The following METTL16 variants were observed in gnomAD, a reference collection of about 807,000 sequenced individuals.
METTL16 encodes methyltransferase 16, RNA N6-adenosine.
Under a neutral mutation model 57.9 loss-of-function variants are expected in METTL16, and 19 were observed. The observed-to-expected ratio is 0.33, with a 90% CI of 0.23 to 0.48. The LOEUF (loss-of-function observed/expected upper bound fraction) is 0.48. Among genes scored for constraint, METTL16 ranks in the 20% least tolerant of loss-of-function variants. The probability of loss-of-function intolerance (pLI) is 0.99; values close to 1 mark genes in which losing one functional copy is unlikely to be tolerated. For missense variants in METTL16, 434 were observed against 691.5 expected (o/e 0.63, Z 4.18); for synonymous variants, 246 against 255.6 (o/e 0.96, Z 0.36).
At chr17:2,472,616 A>G (rs1296522643) in intron 4 of METTL16, among the ~76,000 whole-genome samples, 2 of 152,194 alleles carry the variant, frequency 1.3e-5, no homozygotes, top group African/African-American at 2.4e-5. Flanking sequence ...TGTGCTAAAA[A>G]TAAATGAGCT....
At chr17:2,458,721 T>TACACACACACTCAC (rs1555618261) in intron 6 of METTL16, among the ~76,000 whole-genome samples, 4 of 151,614 alleles carry the variant, frequency 2.6e-5, no homozygotes, top group Non-Finnish European at 5.9e-5. Context: ...CACACACACA[T>TACACACACACTCAC]ACACACACAC....
chr17:2,446,499 G>T (rs111500765), intron 6 of METTL16, among the ~76,000 whole-genome samples: 1 of 152,254 alleles, frequency 6.6e-6, no homozygotes, highest in African/African-American at 2.4e-5. Flanking sequence ...ATCAATTGTT[G>T]GGGCCAGGTG....
At chr17:2,487,376 T>C (rs2067351332) in intron 2 of METTL16, among the ~76,000 whole-genome samples, 1 of 152,156 alleles carries the variant, frequency 6.6e-6, no homozygotes, top group African/African-American at 2.4e-5. Flanking sequence ...ATAACAGCGA[T>C]GAAGGAGAAA....
intron 2 of METTL16, among the ~76,000 whole-genome samples, chr17:2,501,653 T>A (rs1167444745): frequency 2.6e-5 from 4 of 151,760 alleles, no homozygotes; most frequent in Non-Finnish European, 4.4e-5. Context: ...AGGTCAGGAG[T>A]TCCAGACCAG....
At chr17:2,421,843 C>T (rs556668131) in intron 8 of METTL16, among the ~76,000 whole-genome samples, 4 of 152,220 alleles carry the variant, frequency 2.6e-5, no homozygotes, top group South Asian at 2.1e-4. Context: ...GGGACCAAGC[C>T]GGCGGCGAGC....
intron 6 of METTL16, 117 bp from the exon 7 acceptor site, chr17:2,441,676 A>C: frequency 1.9e-6 from 1 of 539,222 alleles, no homozygotes; most frequent in Non-Finnish European, 3.0e-6. Flanking sequence ...GTAAGGTCAC[A>C]AGTGAAAAAT....
rs1338483107 is a variant in METTL16, at chr17:2,464,201, G to T, written c.728+7C>A. On this transcript the variant is annotated splice_region_variant and intron_variant, in intron 6 of 9. Transcript: ENST00000263092. ...AGATGGACTCTATGTTGTAAAAACA[G>T]ACTTACCTTAATCTTTTTTTAAGTT... 25 of 1,608,698 alleles carry T rather than the reference G, an allele frequency of 1.6e-5. No homozygotes were observed. The highest frequency in any genetic ancestry group is 2.0e-5 in the Non-Finnish European group (24 of 1,178,232).
At chr17:2,504,866 C>A (rs1425599832) in intron 1 of METTL16, among the ~76,000 whole-genome samples, 1 of 152,134 alleles carries the variant, frequency 6.6e-6, no homozygotes, top group Non-Finnish European at 1.5e-5. Context: ...ACCATCACAC[C>A]CAGCTTGGGG....
chr17:2,477,622 A>G, intron 3 of METTL16, 64 bp downstream of exon 3: 1 of 1,254,910 alleles, frequency 8.0e-7, no homozygotes, highest in Non-Finnish European at 1.2e-6. Flanking sequence ...AAAGTTTACA[A>G]AGAATTTGAT....
At position 2,477,892 on chromosome 17, in the gene METTL16, A is replaced by G. The variant is rs2067278641; in HGVS notation, c.129-7T>C. 3.1e-6 allele frequency: 5 copies of G among 1,611,124 alleles called. No homozygotes were observed. The highest frequency in any genetic ancestry group is 1.1e-5 in the South Asian group (1 of 90,974). ...GGGGTCTTTAAAATTAAGGCTGAGG[A>G]ATAAAGAAAAGGAAGTAAAACTGAT... On this transcript the variant is annotated splice_polypyrimidine_tract_variant and splice_region_variant and intron_variant, in intron 2 of 9. Coordinates refer to ENST00000263092, the MANE Select transcript of METTL16 (RefSeq NM_024086.4).
rs566665358 is a variant in METTL16 at position 2,491,935 on chromosome 17, G to A, written c.128+10269C>T. ...ATAAAAATAAAAACAAATAGGGCTGGGCGCGGTGGCTCACGCCTGTAACCC... is the reference window on the plus strand; with the variant it reads ...ATAAAAATAAAAACAAATAGGGCTGAGCGCGGTGGCTCACGCCTGTAACCC... On this transcript the variant is annotated intron_variant, in intron 2 of 9. Transcript: ENST00000263092. Among the ~76,000 whole-genome samples the A allele has an allele frequency of 1.4e-3, 203 of 150,346 alleles. 4 individuals carry two copies. The highest frequency in any genetic ancestry group is 2.2e-3 in the Non-Finnish European group (152 of 67,602).
At chr17:2,430,453 T>C (rs1237906178) in intron 8 of METTL16, among the ~76,000 whole-genome samples, 8 of 145,532 alleles carry the variant, frequency 5.5e-5, no homozygotes, top group African/African-American at 2.1e-4. Context: ...TCTCGCTCTG[T>C]CGCCCAGGCT....
intron 2 of METTL16, 151 bp from the exon 3 acceptor site, chr17:2,478,036 C>CGAGTGGCACATCCCAGTGGCACAGTG: frequency 1.6e-6 from 1 of 627,466 alleles, no homozygotes; most frequent in Non-Finnish European, 2.8e-6. Context: ...GTGGCACATA[C>CGAGTGGCACATCCCAGTGGCACAGTG]ACGAGTGTTT....
chr17:2,508,151 AT>A lies in METTL16; in HGVS notation c.-1+3607del, dbSNP rs1175217532. Among the ~76,000 whole-genome samples the A allele has an allele frequency of 2.0e-5, 3 of 151,734 alleles. No individual in the cohort carries two copies. The East Asian group carries it at 5.8e-4, about 29-fold the overall frequency. ...AAAAAAAAAAAAAGACAAATCCTCT[AT>A]TATAACATCTCCTAGCAATAAATAT... On this transcript the variant is annotated intron_variant, in intron 1 of 9. Coordinates refer to ENST00000263092, the MANE Select transcript of METTL16 (RefSeq NM_024086.4).
In METTL16 at chr17:2,447,158, T is replaced by A. The variant is rs1233768629; in HGVS notation, c.729-5599A>T. Among the ~76,000 whole-genome samples the A allele has an allele frequency of 4.5e-5, 6 of 134,072 alleles. No individual in the cohort carries two copies. The South Asian group carries it at 1.5e-3, about 33-fold the overall frequency. The allele number at this position is 134,072 out of a possible 152,430, so 88.0% of individuals were successfully genotyped here. A position where few individuals can be genotyped will look rare whatever the true frequency, so the allele number is the denominator to read the frequency against. ...GAGGAGCGCCTCTTCCCCGCCGCCT[T>A]CCCATCTAGGAAGTGAGGAGCGTCT... On this transcript the variant is annotated intron_variant, in intron 6 of 9. Coordinates refer to ENST00000263092, the MANE Select transcript of METTL16 (RefSeq NM_024086.4).
rs181526785 is a variant in METTL16 at position 2,488,378 on chromosome 17, G to C, written c.129-10493C>G. 1.1e-3 allele frequency among the ~76,000 whole-genome samples: 173 copies of C among 152,210 alleles called. 2 individuals carry two copies. The highest frequency in any genetic ancestry group is 7.8e-3 in the Admixed American group (119 of 15,278). ...TTGAGACCAGCCTGGCCAATATGGT[G>C]AAACCCCATCTCTACTAGAAATACA... On this transcript the variant is annotated intron_variant, in intron 2 of 9. Transcript: ENST00000263092.
chr17:2,473,463 G>A lies in METTL16; in HGVS notation c.469+61C>T, dbSNP rs537796310. 454 of 1,531,846 alleles carry A rather than the reference G, an allele frequency of 3.0e-4. 1 individual carries two copies. In the African/African-American group the frequency reaches 5.6e-3, roughly 19 times the overall value. 94.9% of individuals were successfully genotyped at this position (1,531,846 alleles called of 1,614,324 possible). Reference sequence around the variant, plus strand: ...ATTAAAGAAAAAGGTAATGAAATGCGTTAAACTAAAAAGGCAGGTGAAGAC... The same window carrying A: ...ATTAAAGAAAAAGGTAATGAAATGCATTAAACTAAAAAGGCAGGTGAAGAC... On this transcript the variant is annotated intron_variant, in intron 4 of 9. Transcript: ENST00000263092.
In METTL16 at chr17:2,418,240, T is replaced by C. The variant is rs956769598; in HGVS notation, c.*1730A>G. 1.3e-5 allele frequency: 2 copies of C among 151,762 alleles called. No individual in the cohort carries two copies. The highest frequency in any genetic ancestry group is 4.9e-5 in the African/African-American group (2 of 41,228). 9.4% of individuals were successfully genotyped at this position (151,762 alleles called of 1,614,324 possible). The stretch of plus-strand genomic sequence containing the variant: ...CACACACACATGCTCACAGAGCTTT[T>C]AGAAGTAACTCTAGGAGGTACATGG... On this transcript the variant is annotated 3_prime_UTR_variant, in exon 10 of 10. Coordinates refer to ENST00000263092, the MANE Select transcript of METTL16 (RefSeq NM_024086.4).
chr17:2,450,684 A>C (rs902677146), intron 6 of METTL16, among the ~76,000 whole-genome samples: 3 of 152,232 alleles, frequency 2.0e-5, no homozygotes, highest in Admixed American at 6.5e-5. Context: ...GTAACAGCTT[A>C]GCCAAACTAA....
Sources: gnomAD v4.1 joint callset for allele counts (sites outside exome capture counted in the v4.1 genomes callset) on GRCh38, gnomAD v4.1.1 for gene constraint, MANE v1.5 for transcripts, NCBI Gene and HGNC (gene_info 2026-07-23, HGNC 2026-07-21) for gene names.